GRK5: variants seen among roughly 807,000 people sequenced by gnomAD.
GRK5 encodes g protein-coupled receptor kinase GRK5.
Under a neutral mutation model 78.4 loss-of-function variants are expected in GRK5, and 40 were observed. The ratio of observed to expected loss-of-function variants is 0.51; its 90% CI spans 0.40 to 0.66. The LOEUF is 0.66. Among genes scored for constraint, GRK5 ranks in the 30% least tolerant of loss-of-function variants. The pLI is 0.00. For synonymous variants in GRK5, 289 were observed against 296.8 expected, an observed-to-expected ratio of 0.97 and a Z score of 0.27; for missense variants, 598 against 759.9, an observed-to-expected ratio of 0.79 and a Z score of 2.50.
chr10:119,272,977 C>T (rs546253796), intron 1 of GRK5, among the ~76,000 whole-genome samples: 57 of 152,352 alleles, frequency 3.7e-4, no homozygotes, highest in Non-Finnish European at 6.8e-4. Flanking sequence ...AGGGAGGTGG[C>T]AGTCCCTCTC....
chr10:119,295,588 G>GAT (rs1339379479), intron 1 of GRK5, among the ~76,000 whole-genome samples: 2 of 152,224 alleles, frequency 1.3e-5, no homozygotes, highest in East Asian at 3.9e-4. Flanking sequence ...TAAAGAAACT[G>GAT]AGATATATAT....
chr10:119,287,352 G>GA (rs112410327), intron 1 of GRK5, among the ~76,000 whole-genome samples: 1 of 1,076 alleles, frequency 9.3e-4, no homozygotes, highest in Non-Finnish European at 2.3e-3. Context: ...AGGAAGGGAA[G>GA]GAGGAAGGGA....
chr10:119,284,791 C>G (rs1213809986), intron 1 of GRK5, among the ~76,000 whole-genome samples: 4 of 152,206 alleles, frequency 2.6e-5, no homozygotes, highest in African/African-American at 9.6e-5. Context: ...CACCACGTGT[C>G]TCTCCCAAGT....
chr10:119,320,937 G>C (rs1372517648), intron 1 of GRK5, among the ~76,000 whole-genome samples: 1 of 152,268 alleles, frequency 6.6e-6, no homozygotes, highest in Non-Finnish European at 1.5e-5. Context: ...GTCACAGGAG[G>C]AATTTTTACA....
chr10:119,373,465 G>A (rs1282733141), intron 2 of GRK5, among the ~76,000 whole-genome samples: 1 of 152,148 alleles, frequency 6.6e-6, no homozygotes, highest in Non-Finnish European at 1.5e-5. Flanking sequence ...TTATAAAGGG[G>A]AGTTCCCTTG....
intron 3 of GRK5, among the ~76,000 whole-genome samples, chr10:119,390,407 G>T (rs1442964291): frequency 1.3e-5 from 2 of 152,150 alleles, no homozygotes; most frequent in Non-Finnish European, 2.9e-5. Context: ...ATCAGATCGG[G>T]CCAGGTGCAG....
rs200363393 is a variant in GRK5 at position 119,263,015 on chromosome 10, A to AT, written c.52+55056dup. On this transcript the variant is annotated intron_variant, in intron 1 of 15. Coordinates refer to ENST00000392870, the MANE Select transcript of GRK5 (RefSeq NM_005308.3). ...TATCTCTTGGAGATTCACAATGTAC[A>AT]TTTTTTTTTTGAGACGGAGTCTTGC... Among the ~76,000 whole-genome samples the AT allele has an allele frequency of 4.1e-3, 621 of 149,818 alleles. 2 individuals carry two copies. The highest frequency in any genetic ancestry group is 0.014 in the African/African-American group (584 of 40,900).
chr10:119,275,613 G>GCGCGCACACACA lies in GRK5; in HGVS notation c.53-50902_53-50901insGCGCACACACAC, dbSNP rs1195537574. Among the ~76,000 whole-genome samples the GCGCGCACACACA allele has an allele frequency of 5.0e-5, 6 of 120,754 alleles. 1 individual carries two copies. The East Asian group carries it at 1.2e-3, about 24-fold the overall frequency. The allele number at this position is 120,754 out of a possible 152,430, so 79.2% of individuals were successfully genotyped here. On this transcript the variant is annotated intron_variant, in intron 1 of 15. Coordinates refer to ENST00000392870, the MANE Select transcript of GRK5 (RefSeq NM_005308.3). ...CTCTCTCTCTCTCTCTCTCTCTCTC[G>GCGCGCACACACA]CACACACACACACACACACACACAC...
chr10:119,357,217 T>A (rs1851276410), intron 2 of GRK5, among the ~76,000 whole-genome samples: 1 of 152,236 alleles, frequency 6.6e-6, no homozygotes, highest in Admixed American at 6.5e-5. Flanking sequence ...TAACTGTAAG[T>A]GCAGATGAAG....
chr10:119,250,691 C>T (rs1849185179), intron 1 of GRK5, among the ~76,000 whole-genome samples: 1 of 152,108 alleles, frequency 6.6e-6, no homozygotes, highest in African/African-American at 2.4e-5. Flanking sequence ...TAAGTCAGCA[C>T]CTTGATGACT....
chr10:119,232,214 A>T (rs1848842245), intron 1 of GRK5, among the ~76,000 whole-genome samples: 1 of 152,218 alleles, frequency 6.6e-6, no homozygotes, highest in Non-Finnish European at 1.5e-5. Flanking sequence ...ATGCTAAGTG[A>T]AATAAACCAG....
At chr10:119,328,287 G>T (rs1850713106) in intron 2 of GRK5, among the ~76,000 whole-genome samples, 1 of 152,254 alleles carries the variant, frequency 6.6e-6, no homozygotes, top group Non-Finnish European at 1.5e-5. Context: ...GCTTACTGGG[G>T]AGGATTTGAC....
chr10:119,347,478 C>T (rs1355251336), intron 2 of GRK5, among the ~76,000 whole-genome samples: 2 of 152,240 alleles, frequency 1.3e-5, no homozygotes, highest in South Asian at 2.1e-4. Context: ...TGTGCATGCA[C>T]GTGCACGTGT....
intron 1 of GRK5, among the ~76,000 whole-genome samples, chr10:119,268,245 G>C (rs1285794481): frequency 2.6e-5 from 4 of 152,240 alleles, no homozygotes; most frequent in Admixed American, 6.5e-5. Context: ...AACAAGCTTT[G>C]TGTTAAATTG....
chr10:119,405,199 T>C (rs1476000478), intron 4 of GRK5, among the ~76,000 whole-genome samples: 1 of 151,266 alleles, frequency 6.6e-6, no homozygotes, highest in Non-Finnish European at 1.5e-5. Flanking sequence ...GACAAGGGGG[T>C]GGACAGGTGG....
At chr10:119,352,228 C>T (rs1010544195) in intron 2 of GRK5, among the ~76,000 whole-genome samples, 2 of 152,184 alleles carry the variant, frequency 1.3e-5, no homozygotes, top group African/African-American at 4.8e-5. Flanking sequence ...CTGCTTTTAT[C>T]TCTCGATTCC....
chr10:119,415,166 C>T (rs1426620720), intron 4 of GRK5, among the ~76,000 whole-genome samples: 1 of 151,822 alleles, frequency 6.6e-6, no homozygotes, highest in Non-Finnish European at 1.5e-5. Context: ...GCAGCCTTCT[C>T]CAGGAGGTGA....
At chr10:119,409,522 G>A (rs1852298750) in intron 4 of GRK5, among the ~76,000 whole-genome samples, 1 of 152,190 alleles carries the variant, frequency 6.6e-6, no homozygotes, top group Non-Finnish European at 1.5e-5. Context: ...TGGAGTGGCG[G>A]CAGACAGAAG....
At chr10:119,443,456 G>A in intron 11 of GRK5, 88 bp from the exon 12 acceptor site, 1 of 1,219,266 alleles carries the variant, frequency 8.2e-7, no homozygotes, top group Non-Finnish European at 1.2e-6. Context: ...AAGAGTTGGT[G>A]GCGGCCATGA....
Sources: gnomAD v4.1 joint callset for allele counts (sites outside exome capture counted in the v4.1 genomes callset) on GRCh38, gnomAD v4.1.1 for gene constraint, MANE v1.5 for transcripts, NCBI Gene and HGNC (gene_info 2026-07-23, HGNC 2026-07-21) for gene names.